Variants in MALRD1 observed in about 807,000 individuals in gnomAD.
MALRD1 encodes MAM and LDL-receptor class A domain-containing protein 1.
In MALRD1, 247 loss-of-function variants were observed where a neutral mutation model predicts 242.1. The observed-to-expected ratio is 1.02, with a 90% CI of 0.92 to 1.13. The LOEUF (loss-of-function observed/expected upper bound fraction) is 1.13, where lower values mean the gene tolerates loss of function less well. Among genes scored for constraint, MALRD1 ranks in the 50% most tolerant of loss-of-function variants. The pLI is 0.00. For synonymous variants in MALRD1, 995 were observed against 866.6 expected (o/e 1.15, Z -2.60); for missense variants, 2,989 against 2,533.1 (o/e 1.18, Z -3.86).
chr10:19,579,725 C>T (rs1232843358), intron 33 of MALRD1, among the ~76,000 whole-genome samples: 1 of 152,102 alleles, frequency 6.6e-6, no homozygotes, highest in Non-Finnish European at 1.5e-5. Context: ...TGAATACCAA[C>T]CAAAAACGGT....
At chr10:19,289,148 T>C (rs1220043710) in intron 21 of MALRD1, among the ~76,000 whole-genome samples, 2 of 152,192 alleles carry the variant, frequency 1.3e-5, no homozygotes, top group Non-Finnish European at 2.9e-5. Context: ...TTTTGTGGCT[T>C]ATATCAATAA....
At chr10:19,571,082 T>C (rs937179288) in intron 33 of MALRD1, among the ~76,000 whole-genome samples, 2 of 152,122 alleles carry the variant, frequency 1.3e-5, no homozygotes, top group African/African-American at 4.8e-5. Context: ...CCAATAGTTA[T>C]TCCTGCTAAT....
chr10:19,069,794 C>G (rs1835087620), intron 2 of MALRD1, among the ~76,000 whole-genome samples: 1 of 150,398 alleles, frequency 6.6e-6, no homozygotes, highest in Non-Finnish European at 1.5e-5. Context: ...TGTTTTGATG[C>G]TTTCAAAATT....
chr10:19,527,717 A>G (rs914678481), intron 31 of MALRD1, among the ~76,000 whole-genome samples: 3 of 152,222 alleles, frequency 2.0e-5, no homozygotes, highest in African/African-American at 7.2e-5. Flanking sequence ...ATTTATTCAC[A>G]TCCAATATAG....
Position 19,394,423 on chromosome 10 carries a change from A to G in MALRD1, c.4845+4814A>G, listed in dbSNP as rs777670008. Among the ~76,000 whole-genome samples the G allele has an allele frequency of 2.2e-4, 33 of 152,288 alleles. 1 individual carries two copies. Among genetic ancestry groups the G allele is most frequent in the Middle Eastern group, 3.4e-3 (1 of 294 alleles). On this transcript the variant is annotated intron_variant, in intron 28 of 39. Coordinates refer to ENST00000454679, the MANE Select transcript of MALRD1 (RefSeq NM_001142308.3). ...AGAAATTTTATCTAACAATTTTGCT[A>G]TGTAATAGGGAAATAAATATTTTGT...
Position 19,730,710 on chromosome 10 carries a change from AC to A in MALRD1, c.6321del (p.Glu2108ArgfsTer103). On this transcript the variant is annotated frameshift_variant, in exon 39 of 40. Coordinates refer to ENST00000454679, the MANE Select transcript of MALRD1 (RefSeq NM_001142308.3). LOFTEE classifies it high-confidence loss of function. ...LANRKVPIRK[T>X]EGSGNCAFVN... ...GATGGCCCTGTGTGCTTTAAGGAAA[AC>A]CGAGGGAAGTGGTAACTGTGCCTTT... 6.5e-7 allele frequency: 1 copy of A among 1,536,654 alleles called. No individual in the cohort carries two copies. Among genetic ancestry groups the A allele is most frequent in the East Asian group, 2.4e-5 (1 of 40,906 alleles).
intron 36 of MALRD1, among the ~76,000 whole-genome samples, chr10:19,671,853 C>G (rs571251803): frequency 6.6e-6 from 1 of 152,218 alleles, no homozygotes; most frequent in African/African-American, 2.4e-5. Flanking sequence ...TTTATTGTGA[C>G]AGAAACTGCT....
chr10:19,451,461 T>G (rs1835323075), intron 29 of MALRD1, among the ~76,000 whole-genome samples: 1 of 152,176 alleles, frequency 6.6e-6, no homozygotes, highest in Non-Finnish European at 1.5e-5. Flanking sequence ...ATAAATACAT[T>G]TGTACAATTT....
chr10:19,052,392 T>G (rs1834535637), intron 1 of MALRD1, among the ~76,000 whole-genome samples: 1 of 152,218 alleles, frequency 6.6e-6, no homozygotes. Flanking sequence ...TAAGTTGTGC[T>G]ATAATAAATC....
chr10:19,157,576 A>G (rs549786184), intron 12 of MALRD1, among the ~76,000 whole-genome samples: 15 of 152,240 alleles, frequency 9.9e-5, no homozygotes, highest in African/African-American at 3.4e-4. Flanking sequence ...GTTACAGAAT[A>G]AGCAAACAGA....
intron 21 of MALRD1, among the ~76,000 whole-genome samples, chr10:19,292,067 A>C (rs918944563): frequency 7.2e-6 from 1 of 138,596 alleles, no homozygotes; most frequent in Admixed American, 7.6e-5. Context: ...TGGATGACAG[A>C]GCAAGACCGT....
chr10:19,595,108 A>T, intron 33 of MALRD1, 86 bp from the exon 34 acceptor site: 1 of 1,306,764 alleles, frequency 7.7e-7, no homozygotes, highest in Non-Finnish European at 1.0e-6. Context: ...ATTTTATACA[A>T]TAAGAAATGC....
chr10:19,095,984 A>G (rs1028619304), intron 4 of MALRD1, among the ~76,000 whole-genome samples: 1 of 152,198 alleles, frequency 6.6e-6, no homozygotes, highest in African/African-American at 2.4e-5. Flanking sequence ...GGTCCACTCC[A>G]TCATCATTTA....
chr10:19,728,854 T>A (rs1016617220), intron 38 of MALRD1, among the ~76,000 whole-genome samples: 3 of 152,204 alleles, frequency 2.0e-5, no homozygotes, highest in Non-Finnish European at 2.9e-5. Context: ...TGTACTGAGA[T>A]TACTACTCCG....
chr10:19,237,502 G>C (rs1310651602), intron 18 of MALRD1, among the ~76,000 whole-genome samples: 2 of 64,388 alleles, frequency 3.1e-5, no homozygotes, highest in Non-Finnish European at 5.5e-5. Flanking sequence ...GTATTTCATT[G>C]TGTGTGTGTC....
At chr10:19,054,433 ACT>A (rs1392481468) in intron 1 of MALRD1, among the ~76,000 whole-genome samples, 4 of 152,002 alleles carry the variant, frequency 2.6e-5, no homozygotes, top group African/African-American at 4.8e-5. Context: ...ATTGAAATTT[ACT>A]CTTAGTTATT....
rs139694125 is a variant in MALRD1, at chr10:19,121,911, AG to A, written c.695-1579del. ...AATAGAAAGCTTTGAATAGTTGTCT[AG>A]GAAAGCGGAAAAGGAAAGAATGAGG... On this transcript the variant is annotated intron_variant, in intron 5 of 39. Coordinates refer to ENST00000454679, the MANE Select transcript of MALRD1 (RefSeq NM_001142308.3). Among the ~76,000 whole-genome samples, 876 of 152,340 alleles carry A rather than the reference AG, an allele frequency of 5.8e-3. 11 individuals carry two copies. The highest frequency in any genetic ancestry group is 0.02 in the African/African-American group (832 of 41,584).
intron 21 of MALRD1, among the ~76,000 whole-genome samples, chr10:19,318,200 A>T (rs1257765505): frequency 6.6e-6 from 1 of 151,852 alleles, no homozygotes; most frequent in African/African-American, 2.4e-5. Flanking sequence ...GCAATTCTTC[A>T]TTTTTCCATT....
At chr10:19,290,568 T>C (rs1044704657) in intron 21 of MALRD1, 10 of 152,194 alleles carry the variant, frequency 6.6e-5, no homozygotes, top group Admixed American at 4.6e-4. Flanking sequence ...AGATTTCCAT[T>C]TCCTTTAAAT....
Sources: gnomAD v4.1 joint callset for allele counts (sites outside exome capture counted in the v4.1 genomes callset) on GRCh38, gnomAD v4.1.1 for gene constraint, MANE v1.5 for transcripts, NCBI Gene and HGNC (gene_info 2026-07-23, HGNC 2026-07-21) for gene names.